Variants in MYO9A observed in about 807,000 individuals in gnomAD.
The protein encoded by MYO9A is myosin IXA, also known as unconventional myosin-IXa.
In MYO9A, 103 loss-of-function variants were observed where a neutral mutation model predicts 293.3. The observed-to-expected ratio is 0.35, with a 90% CI of 0.30 to 0.41. The LOEUF is 0.41. Ranked by LOEUF, MYO9A falls within the 10% of genes least tolerant of loss-of-function variation. The probability of loss-of-function intolerance (pLI) is 1.00; values close to 1 mark genes in which losing one functional copy is unlikely to be tolerated. For missense variants in MYO9A, 2,685 were observed against 3,033.0 expected (o/e 0.89, Z 2.69); for synonymous variants, 1,001 against 1,035.7 (o/e 0.97, Z 0.64).
intron 39 of MYO9A, among the ~76,000 whole-genome samples, chr15:71,831,236 G>C (rs769249220): frequency 6.6e-6 from 1 of 152,122 alleles, no homozygotes; most frequent in African/African-American, 2.4e-5. Flanking sequence ...ACTATAGCCC[G>C]TGTGGCAAAT....
At chr15:72,067,221 T>C (rs1468296941) in intron 1 of MYO9A, among the ~76,000 whole-genome samples, 1 of 150,618 alleles carries the variant, frequency 6.6e-6, no homozygotes, top group Admixed American at 6.6e-5. Context: ...CTCAACATTA[T>C]ATTTTACCAT....
intron 19 of MYO9A, among the ~76,000 whole-genome samples, chr15:71,906,545 A>G (rs774139678): frequency 2.6e-5 from 4 of 152,042 alleles, no homozygotes; most frequent in Non-Finnish European, 5.9e-5. Context: ...TCACTATGAA[A>G]TTATCTCCCT....
chr15:71,890,461 T>C (rs748781262), intron 26 of MYO9A: 4 of 152,106 alleles, frequency 2.6e-5, no homozygotes, highest in Non-Finnish European at 4.4e-5. Context: ...ATAGAAATGA[T>C]TTTACTAACC....
intron 16 of MYO9A, among the ~76,000 whole-genome samples, chr15:71,936,665 C>A (rs1429922750): frequency 1.3e-5 from 2 of 152,036 alleles, no homozygotes; most frequent in East Asian, 3.8e-4. Context: ...TAGCTACTTA[C>A]AACAATTTCA....
chr15:71,884,817 T>G (rs1179692966), intron 27 of MYO9A, among the ~76,000 whole-genome samples: 2 of 152,128 alleles, frequency 1.3e-5, no homozygotes, highest in Non-Finnish European at 2.9e-5. Context: ...TTATATATGA[T>G]ATTCCTAATT....
At position 71,825,747 on chromosome 15, in the gene MYO9A, G is replaced by GTCTC. The variant is rs2054456550; in HGVS notation, c.*829_*832dup. The GTCTC allele has an allele frequency of 6.6e-6, 1 of 152,144 alleles. No homozygotes were observed. The highest frequency in any genetic ancestry group is 1.5e-5 in the Non-Finnish European group (1 of 68,026). 9.4% of individuals were successfully genotyped at this position (152,144 alleles called of 1,614,324 possible). ...CCTTCATAAGTTTAGGGATCACCATGTCTCTGGGAAACTAAAAAATAATGT... is the reference window on the plus strand; with the variant it reads ...CCTTCATAAGTTTAGGGATCACCATGTCTCTCTCTGGGAAACTAAAAAATAATGT... On this transcript the variant is annotated 3_prime_UTR_variant, in exon 42 of 42. Coordinates refer to ENST00000356056, the MANE Select transcript of MYO9A (RefSeq NM_006901.4).
intron 1 of MYO9A, among the ~76,000 whole-genome samples, chr15:72,068,042 ATT>A (rs1398430680): frequency 6.6e-6 from 1 of 152,152 alleles, no homozygotes; most frequent in Non-Finnish European, 1.5e-5. Flanking sequence ...ATTATAAATG[ATT>A]TTCTTTTCTA....
rs2054426204 is a variant in MYO9A, at chr15:71,825,219, G to A, written c.*1361C>T. ...AACTCATGTGTATGAAGACCACCCA[G>A]TGGTGAAAATGATGTCTTACTAATT... On this transcript the variant is annotated 3_prime_UTR_variant, in exon 42 of 42. Coordinates refer to ENST00000356056, the MANE Select transcript of MYO9A (RefSeq NM_006901.4). The A allele has an allele frequency of 6.6e-6, 1 of 152,166 alleles. No homozygotes were observed. Among genetic ancestry groups the A allele is most frequent in the African/African-American group, 2.4e-5 (1 of 41,428 alleles). The allele number at this position is 152,166 out of a possible 1,614,324, so 9.4% of individuals were successfully genotyped here. A position where few individuals can be genotyped will look rare whatever the true frequency, so the allele number is the denominator to read the frequency against.
chr15:71,891,875 T>C (rs894832751), intron 26 of MYO9A: 7 of 152,340 alleles, frequency 4.6e-5, no homozygotes, highest in Middle Eastern at 3.4e-3. Context: ...AATTAGATCT[T>C]TGACAATTCA....
At chr15:72,038,198 C>T (rs1423563316) in intron 2 of MYO9A, among the ~76,000 whole-genome samples, 1 of 152,210 alleles carries the variant, frequency 6.6e-6, no homozygotes, top group African/African-American at 2.4e-5. Context: ...GCTGGGATTA[C>T]AGGCATGAGC....
At chr15:72,065,437 C>G (rs987332132) in intron 1 of MYO9A, among the ~76,000 whole-genome samples, 8 of 151,430 alleles carry the variant, frequency 5.3e-5, no homozygotes, top group African/African-American at 1.7e-4. Context: ...ATGGCTTGAA[C>G]CCGGGAGGCG....
At chr15:71,867,829 C>T (rs953119813) in intron 32 of MYO9A, among the ~76,000 whole-genome samples, 1 of 151,282 alleles carries the variant, frequency 6.6e-6, no homozygotes, top group African/African-American at 2.4e-5. Flanking sequence ...CACACACACA[C>T]ACACACACAC....
chr15:71,919,085 T>A (rs1190418694), intron 18 of MYO9A, among the ~76,000 whole-genome samples: 2 of 152,200 alleles, frequency 1.3e-5, no homozygotes, highest in African/African-American at 2.4e-5. Flanking sequence ...ACACTGCACA[T>A]AATATCATCT....
rs200031286 is a variant in MYO9A at position 71,899,940 on chromosome 15, C to T, written c.3217G>A (p.Val1073Ile). ...AGAAGAGCAGCTGCACTAGCCATAA[C>T]AAAAGCATCCTTCTGCACAGCTGCA... ...RDAAVQKDAF[V>I]MASAAALLQA... Residue 1073 changes from valine to isoleucine, a missense_variant, in exon 24 of 42, where the codon GTT (valine) becomes ATT (isoleucine). Val to Ile is a conservative substitution (Grantham distance 29). Around this residue, in one of 10 missense-constraint regions of MYO9A, gnomAD observed 1,434 missense variants for 1,497.7 expected, o/e 0.96. Transcript: ENST00000356056. 55 of 1,614,006 alleles carry T rather than the reference C, an allele frequency of 3.4e-5. No homozygotes were observed. The highest frequency in any genetic ancestry group is 1.0e-4 in the Admixed American group (6 of 59,982).
intron 1 of MYO9A, among the ~76,000 whole-genome samples, chr15:72,077,779 A>G (rs1214572669): frequency 6.8e-6 from 1 of 146,786 alleles, no homozygotes; most frequent in Non-Finnish European, 1.5e-5. Flanking sequence ...ATATATATAT[A>G]TAAACACATA....
chr15:71,879,409 T>C (rs954712146), intron 30 of MYO9A, among the ~76,000 whole-genome samples: 1 of 152,110 alleles, frequency 6.6e-6, no homozygotes, highest in Admixed American at 6.6e-5. Context: ...AAAAGGATTA[T>C]GAAAAGTCAC....
At chr15:71,915,465 T>C (rs959963658) in intron 19 of MYO9A, among the ~76,000 whole-genome samples, 2 of 151,216 alleles carry the variant, frequency 1.3e-5, no homozygotes, top group Non-Finnish European at 3.0e-5. Context: ...TGTGACCAAA[T>C]AGCCTGCACA....
At chr15:72,093,655 G>GGCA (rs1567033082) in intron 1 of MYO9A, among the ~76,000 whole-genome samples, 4 of 44,988 alleles carry the variant, frequency 8.9e-5, no homozygotes, top group African/African-American at 1.0e-4. Flanking sequence ...GGGAGGCTGA[G>GGCA]ATGGGTGGAT....
intron 2 of MYO9A, chr15:72,039,914 T>C: frequency 5.8e-6 from 1 of 172,132 alleles, no homozygotes; most frequent in Non-Finnish European, 1.2e-5. Flanking sequence ...TGTCACAGCC[T>C]CCGTTCCTCT....
Sources: gnomAD v4.1 joint callset for allele counts (sites outside exome capture counted in the v4.1 genomes callset) on GRCh38, gnomAD v4.1.1 for gene constraint, gnomAD v4.1.1 regional missense constraint, MANE v1.5 for transcripts, NCBI Gene and HGNC (gene_info 2026-07-23, HGNC 2026-07-21) for gene names.